Variants in MDFIC observed in about 807,000 individuals in gnomAD.
MDFIC encodes the protein MyoD family inhibitor domain containing, also known as myoD family inhibitor domain-containing protein.
In MDFIC, 17 loss-of-function variants were observed where a neutral mutation model predicts 23.2. The observed-to-expected ratio is 0.73, with a 90% CI of 0.50 to 1.10. MDFIC has a LOEUF of 1.10. MDFIC is among the 50% of genes least tolerant of loss of function. MDFIC has a pLI of 0.00. For synonymous variants in MDFIC, 120 were observed against 115.2 expected (o/e 1.04, Z -0.27); for missense variants, 356 against 316.6 (o/e 1.12, Z -0.95).
rs369434346 is a variant in MDFIC at position 115,015,989 on chromosome 7, G to A, written c.*54G>A. ...GGAGAGTGTTTAAAAATTTCCTTTT[G>A]GGGGGAAGAAAAGCACATTGTAAGA... On this transcript the variant is annotated 3_prime_UTR_variant, in exon 5 of 5. Transcript: ENST00000393486. 5.2e-6 allele frequency: 8 copies of A among 1,540,748 alleles called. No individual in the cohort carries two copies. Among genetic ancestry groups the A allele is most frequent in the South Asian group, 2.4e-5 (2 of 81,948 alleles).
In MDFIC at chr7:114,923,428, A is replaced by G. The variant is rs749249814; in HGVS notation, c.94+301A>G. 12 of 1,532,858 alleles carry G rather than the reference A, an allele frequency of 7.8e-6. No homozygotes were observed. The South Asian group carries it at 8.3e-5, about 11-fold the overall frequency. 95.0% of individuals were successfully genotyped at this position (1,532,858 alleles called of 1,614,324 possible). A position where few individuals can be genotyped will look rare whatever the true frequency, so the allele number is the denominator to read the frequency against. ...TATGCATGTTTGGGCCTAAGACTCA[A>G]TGTGTAGGTTCTGAAGCGCTTCTCC... is the stretch of plus-strand genomic sequence containing the variant. On this transcript the variant is annotated intron_variant, in intron 2 of 4. Transcript: ENST00000393486.
chr7:114,975,819 C>T (rs984679152), intron 3 of MDFIC, among the ~76,000 whole-genome samples: 3 of 151,848 alleles, frequency 2.0e-5, no homozygotes, highest in Admixed American at 6.6e-5. Flanking sequence ...ATTTGACTTA[C>T]GTAATACACA....
In MDFIC at chr7:114,999,432, T is replaced by A. The variant is rs558050160; in HGVS notation, c.494-16256T>A. On this transcript the variant is annotated intron_variant, in intron 4 of 4. Coordinates refer to ENST00000393486, the MANE Select transcript of MDFIC (RefSeq NM_001166345.3). ...TGTTTAGCTATTTGCTGTTTTTTTT[T>A]AAAATTACATTCCAAGATGACCCAC... Among the ~76,000 whole-genome samples, 19 of 152,188 alleles carry A rather than the reference T, an allele frequency of 1.2e-4. No homozygotes were observed. The South Asian group carries it at 1.7e-3, about 13-fold the overall frequency.
At chr7:114,977,428 C>A (rs1326435107) in intron 3 of MDFIC, among the ~76,000 whole-genome samples, 2 of 152,062 alleles carry the variant, frequency 1.3e-5, no homozygotes, top group Non-Finnish European at 2.9e-5. Flanking sequence ...GTGAGGGACA[C>A]CATAAGTTGT....
intron 4 of MDFIC, among the ~76,000 whole-genome samples, chr7:115,000,213 G>A (rs1162854956): frequency 1.3e-5 from 2 of 152,046 alleles, no homozygotes; most frequent in Non-Finnish European, 2.9e-5. Flanking sequence ...TGTGTTGCAG[G>A]TACCTACAGT....
chr7:114,993,387 C>T (rs1056886711), intron 4 of MDFIC, among the ~76,000 whole-genome samples: 1 of 152,182 alleles, frequency 6.6e-6, no homozygotes. Context: ...TTCTTGCCTT[C>T]TGCTGGCTTT....
chr7:114,941,459 G>A (rs1364331345), intron 2 of MDFIC, among the ~76,000 whole-genome samples: 2 of 152,178 alleles, frequency 1.3e-5, no homozygotes, highest in Non-Finnish European at 2.9e-5. Context: ...TGCCCGTGCT[G>A]TTCTTCCACC....
chr7:114,961,226 C>G (rs1054583567), intron 3 of MDFIC, among the ~76,000 whole-genome samples: 8 of 152,182 alleles, frequency 5.3e-5, no homozygotes, highest in African/African-American at 1.7e-4. Flanking sequence ...CTCCTAACCT[C>G]TTTCTCTCTT....
chr7:114,990,671 C>T lies in MDFIC; in HGVS notation c.493+10890C>T, dbSNP rs899100293. Among the ~76,000 whole-genome samples, 27 of 152,358 alleles carry T rather than the reference C, an allele frequency of 1.8e-4. 2 individuals are homozygous for T. The highest frequency in any genetic ancestry group is 6.5e-4 in the African/African-American group (27 of 41,590). ...GATTCATCCATGTCCCTACAAAGGACATGAACTCATCCTTTTTTATGGCTG... is the reference window on the plus strand; with the variant it reads ...GATTCATCCATGTCCCTACAAAGGATATGAACTCATCCTTTTTTATGGCTG... On this transcript the variant is annotated intron_variant, in intron 4 of 4. Coordinates refer to ENST00000393486, the MANE Select transcript of MDFIC (RefSeq NM_001166345.3).
intron 3 of MDFIC, among the ~76,000 whole-genome samples, chr7:114,948,485 A>G (rs4344019): frequency 0.82 from 123,757 of 151,836 alleles, 52,129 homozygotes; most frequent in Non-Finnish European, 0.92. Context: ...TTGCCTACCC[A>G]TAAGAAAAAA....
intron 4 of MDFIC, among the ~76,000 whole-genome samples, chr7:115,002,823 G>T (rs558274418): frequency 2.6e-5 from 4 of 152,284 alleles, no homozygotes; most frequent in African/African-American, 9.6e-5. Context: ...CATTCGGTTT[G>T]AAGTTTCTTC....
chr7:114,978,719 C>T (rs1318614753), intron 3 of MDFIC, among the ~76,000 whole-genome samples: 1 of 151,896 alleles, frequency 6.6e-6, no homozygotes, highest in Non-Finnish European at 1.5e-5. Context: ...CCAGAACATC[C>T]AAATCTGTGC....
chr7:114,937,824 C>T (rs1161462419), intron 2 of MDFIC, among the ~76,000 whole-genome samples: 1 of 152,116 alleles, frequency 6.6e-6, no homozygotes, highest in Non-Finnish European at 1.5e-5. Context: ...GAAGTAGATG[C>T]CAGTGGTGTT....
rs1477734049 is a variant in MDFIC at position 115,018,124 on chromosome 7, A to C, written c.*2189A>C. The stretch of plus-strand genomic sequence containing the variant: ...AGCTGTCTTCATTTTTCTCCTCTAA[A>C]GAACTTAATTCATTTGTTACATAAA... On this transcript the variant is annotated 3_prime_UTR_variant, in exon 5 of 5. Transcript: ENST00000393486. 1 of 151,986 alleles carries C rather than the reference A, an allele frequency of 6.6e-6. No homozygotes were observed. Among genetic ancestry groups the C allele is most frequent in the Non-Finnish European group, 1.5e-5 (1 of 67,852 alleles). The allele number at this position is 151,986 out of a possible 1,614,324, so 9.4% of individuals were successfully genotyped here. A position where few individuals can be genotyped will look rare whatever the true frequency, so the allele number is the denominator to read the frequency against.
intron 4 of MDFIC, among the ~76,000 whole-genome samples, chr7:114,999,610 A>G (rs1791417817): frequency 6.6e-6 from 1 of 152,016 alleles, no homozygotes. Flanking sequence ...AGTATTTTGT[A>G]AAATAGTATG....
At chr7:114,960,950 T>C (rs1792978376) in intron 3 of MDFIC, among the ~76,000 whole-genome samples, 1 of 152,050 alleles carries the variant, frequency 6.6e-6, no homozygotes, top group Non-Finnish European at 1.5e-5. Flanking sequence ...AACCTAAATG[T>C]CAGTATGACA....
intron 4 of MDFIC, among the ~76,000 whole-genome samples, chr7:114,991,963 T>C (rs757693545): frequency 3.3e-5 from 5 of 152,228 alleles, no homozygotes; most frequent in Non-Finnish European, 5.9e-5. Flanking sequence ...TTCACAATAT[T>C]GATTCTTCCT....
chr7:114,922,999 G>A lies in MDFIC; in HGVS notation c.-35G>A, dbSNP rs375211129. On this transcript the variant is annotated 5_prime_UTR_variant, in exon 2 of 5. Coordinates refer to ENST00000393486, the MANE Select transcript of MDFIC (RefSeq NM_001166345.3). ...CGCCCTGCCGGGCGGCGAGCTAGGC[G>A]GCAGCGGCGCGGCGCGGGCTCGGCG... 41 of 1,508,368 alleles carry A rather than the reference G, an allele frequency of 2.7e-5. No homozygotes were observed. Among genetic ancestry groups the A allele is most frequent in the African/African-American group, 2.6e-4 (18 of 68,954 alleles). 93.4% of individuals were successfully genotyped at this position (1,508,368 alleles called of 1,614,324 possible). A position where few individuals can be genotyped will look rare whatever the true frequency, so the allele number is the denominator to read the frequency against.
Position 114,979,767 on chromosome 7 carries a change from G to T in MDFIC, c.479G>T (p.Gly160Val). ...KVNAVFSQKT[G>V]SSPEDCCVHC... is the part of the protein sequence containing the mutation. ...AATGCTGTCTTTTCCCAAAAGACAG[G>T]CTCTTCACCTGAAGGTAAGTTTGAG... The change falls in exon 4 of 5, where the codon GGC becomes GTC. Residue 160 changes from glycine (G) to valine (V), a missense_variant. Physicochemically the swap from Gly to Val is moderately radical, Grantham distance 109 (BLOSUM62 -3). Coordinates refer to ENST00000393486, the MANE Select transcript of MDFIC (RefSeq NM_001166345.3). 1.2e-6 allele frequency: 2 copies of T among 1,613,336 alleles called. No individual in the cohort carries two copies. The highest frequency in any genetic ancestry group is 1.7e-6 in the Non-Finnish European group (2 of 1,179,510).
Sources: gnomAD v4.1 joint callset for allele counts (sites outside exome capture counted in the v4.1 genomes callset) on GRCh38, gnomAD v4.1.1 for gene constraint, MANE v1.5 for transcripts, NCBI Gene and HGNC (gene_info 2026-07-23, HGNC 2026-07-21) for gene names.